Variants in CHERP observed in about 807,000 individuals in gnomAD.
The protein encoded by CHERP is calcium homeostasis endoplasmic reticulum protein.
CHERP carries 8 observed loss-of-function variants against 113.8 expected under a neutral mutation model. The observed-to-expected ratio is 0.07, with a 90% CI of 0.04 to 0.13. CHERP has a LOEUF of 0.13. Among genes scored for constraint, CHERP ranks in the 10% least tolerant of loss-of-function variants. CHERP has a pLI of 1.00. For synonymous variants in CHERP, 559 were observed against 524.5 expected (o/e 1.07, Z -0.90); for missense variants, 884 against 1,298.2 (o/e 0.68, Z 4.90).
At chr19:16,539,549 C>G (rs1018083676) in intron 2 of CHERP, 3 of 152,154 alleles carry the variant, frequency 2.0e-5, no homozygotes, top group Non-Finnish European at 2.9e-5. Context: ...CAGCTGATCT[C>G]TCTCCACCCC....
chr19:16,534,337 C>T (rs1462857894), intron 3 of CHERP, among the ~76,000 whole-genome samples: 1 of 152,138 alleles, frequency 6.6e-6, no homozygotes, highest in Admixed American at 6.5e-5. Context: ...GGCTGAGCCA[C>T]TGTGCCCAGC....
intron 11 of CHERP, 44 bp from the exon 12 acceptor site, chr19:16,521,698 C>G: frequency 9.3e-6 from 14 of 1,504,172 alleles, no homozygotes; most frequent in Non-Finnish European, 1.2e-5. Flanking sequence ...GGGCAGAGCC[C>G]TCTCAGGCCC....
At position 16,535,507 on chromosome 19, in the gene CHERP, T is replaced by C. The variant is rs942072981; in HGVS notation, c.329A>G (p.Gln110Arg). Residue 110 changes from glutamine to arginine, a missense_variant, in exon 3 of 17, where the codon CAG becomes CGG. Physicochemically the swap from Gln to Arg is conservative, Grantham distance 43 (BLOSUM62 1). This residue lies in a region of CHERP where 109 missense variants were observed against 134.2 expected (regional missense o/e 0.81). Coordinates refer to ENST00000546361, the MANE Select transcript of CHERP (RefSeq NM_006387.6). This position sits in a 1 kb window ranked among gnomAD's most constrained non-coding sequence, Gnocchi z 4.3. ...CTGCTGGAGGTTCCACTGGCTCTGC[T>C]GGATGAGCTCGTCCATGGATGGCGC... ...QGAPSMDELIQQSQWNLQQQE... is the reference protein window; with the variant it reads ...QGAPSMDELIRQSQWNLQQQE... 7 of 1,608,806 alleles carry C rather than the reference T, an allele frequency of 4.4e-6. No individual in the cohort carries two copies. In the African/African-American group the frequency reaches 9.4e-5, roughly 21 times the overall value.
chr19:16,533,098 C>G lies in CHERP; in HGVS notation c.435G>C (p.Lys145Asn), dbSNP rs1477171536. Residue 145 changes from lysine (K) to asparagine (N), a missense_variant, in exon 4 of 17, where the codon AAG becomes AAC. By Grantham distance (94) the Lys-to-Asn change is moderately conservative. This residue lies in a region of CHERP where 109 missense variants were observed against 134.2 expected (regional missense o/e 0.81). Coordinates refer to ENST00000546361, the MANE Select transcript of CHERP (RefSeq NM_006387.6). ...VAHAVEQQMQ[K>N]LLEETQLDMN... Reference sequence around the variant, plus strand: ...TGTCTAGCTGGGTCTCCTCCAGAAGCTTCTGCATCTGCTGCTCCACCGCGT... The same window carrying G: ...TGTCTAGCTGGGTCTCCTCCAGAAGGTTCTGCATCTGCTGCTCCACCGCGT... 1.3e-6 allele frequency: 2 copies of G among 1,585,494 alleles called. No individual in the cohort carries two copies. The highest frequency in any genetic ancestry group is 2.7e-5 in the African/African-American group (2 of 74,578).
At chr19:16,529,425 G>A (rs1043068174) in intron 8 of CHERP, among the ~76,000 whole-genome samples, 3 of 152,182 alleles carry the variant, frequency 2.0e-5, no homozygotes, top group African/African-American at 7.2e-5. Context: ...TCTGGGAACA[G>A]GAAACAGATC....
chr19:16,521,938 G>A lies in CHERP; in HGVS notation c.1981-284C>T, dbSNP rs903135160. Among the ~76,000 whole-genome samples the A allele has an allele frequency of 2.2e-4, 33 of 152,228 alleles. 1 individual carries two copies. Among genetic ancestry groups the A allele is most frequent in the East Asian group, 7.7e-4 (4 of 5,198 alleles). ...CATGGTCTCCAAACTCAGGTGACCT[G>A]AACACCCTCTGGTTTATTCAGACAT... On this transcript the variant is annotated intron_variant, in intron 11 of 16. Coordinates refer to ENST00000546361, the MANE Select transcript of CHERP (RefSeq NM_006387.6).
chr19:16,521,100 C>T (rs1325119222), intron 12 of CHERP, 188 bp from the exon 13 acceptor site: 5 of 626,816 alleles, frequency 8.0e-6, no homozygotes, highest in Non-Finnish European at 1.4e-5. Context: ...AGCCCAGTGG[C>T]TCCTCTGGTG....
In CHERP at chr19:16,530,823, G is replaced by A; in HGVS notation, c.732C>T (p.Ile244=). ...CCACGGCCAAGAAGCTGGTGCAGTAGATGGGCACCACGACCTTCTGCAGGG... is the reference window on the plus strand; with the variant it reads ...CCACGGCCAAGAAGCTGGTGCAGTAAATGGGCACCACGACCTTCTGCAGGG... ...LAALQKVVVP[I]YCTSFLAVEE... Residue 244 remains isoleucine, a synonymous_variant, in exon 6 of 17, where the codon ATC becomes ATT. Transcript: ENST00000546361. This position sits in a 1 kb window ranked among gnomAD's most constrained non-coding sequence, Gnocchi z 4.1. 6.2e-7 allele frequency: 1 copy of A among 1,613,940 alleles called. No homozygotes were observed. The highest frequency in any genetic ancestry group is 1.7e-5 in the Admixed American group (1 of 60,032).
At chr19:16,540,139 C>T (rs2085768549) in intron 2 of CHERP, among the ~76,000 whole-genome samples, 1 of 152,204 alleles carries the variant, frequency 6.6e-6, no homozygotes, top group Non-Finnish European at 1.5e-5. Flanking sequence ...TCTTGGCTCA[C>T]TGCAACCTCC....
At chr19:16,542,116 C>G (rs1168677328) in intron 1 of CHERP, 73 bp from the exon 2 acceptor site, 2 of 1,491,556 alleles carry the variant, frequency 1.3e-6, no homozygotes, top group Non-Finnish European at 1.8e-6. Context: ...GGCGCCCCAG[C>G]CCCCGTCCGC....
intron 8 of CHERP, among the ~76,000 whole-genome samples, chr19:16,529,042 G>C (rs1199747878): frequency 3.9e-5 from 6 of 152,202 alleles, no homozygotes; most frequent in Non-Finnish European, 8.8e-5. Flanking sequence ...ACACTAGATT[G>C]TATTTTCTGA....
chr19:16,526,758 G>GCC (rs1305324665), intron 9 of CHERP, among the ~76,000 whole-genome samples: 1 of 151,398 alleles, frequency 6.6e-6, no homozygotes, highest in East Asian at 2.0e-4. Flanking sequence ...TAGCCACCAC[G>GCC]CCCAGCCTTG....
At chr19:16,533,814 A>AG in intron 3 of CHERP, among the ~76,000 whole-genome samples, 1 of 152,142 alleles carries the variant, frequency 6.6e-6, no homozygotes, top group African/African-American at 2.4e-5. Context: ...AGAAAAGAAA[A>AG]AAAAAGACAA....
chr19:16,525,022 G>A lies in CHERP; in HGVS notation c.1741+220C>T, dbSNP rs930645116. Among the ~76,000 whole-genome samples, 1 of 152,310 alleles carries A rather than the reference G, an allele frequency of 6.6e-6. No individual in the cohort carries two copies. The highest frequency in any genetic ancestry group is 6.5e-5 in the Admixed American group (1 of 15,302). Reference sequence around the variant, plus strand: ...GCAGGAACCTTTTCCTACTGGCTCTGCCTCATCTGCAGCCAGCCGGGCCTC... The same window carrying A: ...GCAGGAACCTTTTCCTACTGGCTCTACCTCATCTGCAGCCAGCCGGGCCTC... On this transcript the variant is annotated intron_variant, in intron 10 of 16. Coordinates refer to ENST00000546361, the MANE Select transcript of CHERP (RefSeq NM_006387.6). This position sits in a 1 kb window ranked among gnomAD's most constrained non-coding sequence, Gnocchi z 6.5.
chr19:16,539,545 A>C (rs1599756218), intron 2 of CHERP: 1 of 152,042 alleles, frequency 6.6e-6, no homozygotes, highest in Non-Finnish European at 1.5e-5. Flanking sequence ...CAGGCAGCTG[A>C]TCTCTCTCCA....
chr19:16,520,467 G>A lies in CHERP; in HGVS notation c.2242C>T (p.Arg748Cys), dbSNP rs776056169. 1.2e-5 allele frequency: 19 copies of A among 1,613,938 alleles called. No homozygotes were observed. The highest frequency in any genetic ancestry group is 1.4e-5 in the Non-Finnish European group (17 of 1,180,006). ...CTTGAGTTGGAGCGGGAGGAAGAAC[G>A]CCCTCGACTCTTGGATCTGCTCCGA... is the stretch of plus-strand genomic sequence containing the variant. ...RSRSRSKSRGRSSSRSNSRSS... is the reference protein window; with the variant it reads ...RSRSRSKSRGCSSSRSNSRSS... The change falls in exon 14 of 17, where the codon CGT (arginine) becomes TGT (cysteine). Residue 748 changes from arginine (R) to cysteine (C), a missense_variant. Transcript: ENST00000546361. The surrounding 1 kb of genome is among the most constrained non-coding windows in gnomAD (Gnocchi z 4.0).
intron 2 of CHERP, among the ~76,000 whole-genome samples, chr19:16,540,514 A>G (rs1047871449): frequency 3.3e-5 from 5 of 151,806 alleles, no homozygotes; most frequent in African/African-American, 1.2e-4. Context: ...CTGGGACTAC[A>G]GGTGTGTGCC....
chr19:16,537,597 C>G lies in CHERP; in HGVS notation c.200-1961G>C, dbSNP rs573677503. On this transcript the variant is annotated intron_variant, in intron 2 of 16. Coordinates refer to ENST00000546361, the MANE Select transcript of CHERP (RefSeq NM_006387.6). ...TGGCACCACCATCTGCCCAGAAACCCAGGCCAGAAGTAGCATGTGCCTCCC... is the reference window on the plus strand; with the variant it reads ...TGGCACCACCATCTGCCCAGAAACCGAGGCCAGAAGTAGCATGTGCCTCCC... Among the ~76,000 whole-genome samples, 9 of 152,220 alleles carry G rather than the reference C, an allele frequency of 5.9e-5. No individual in the cohort carries two copies. The South Asian group carries it at 1.9e-3, about 32-fold the overall frequency.
At chr19:16,527,220 G>C (rs879342639) in intron 9 of CHERP, among the ~76,000 whole-genome samples, 2 of 152,178 alleles carry the variant, frequency 1.3e-5, no homozygotes, top group Admixed American at 1.3e-4. Flanking sequence ...TACAAAACAG[G>C]GACAAGAACT....
Sources: allele counts gnomAD v4.1 joint callset (sites outside exome capture counted in the v4.1 genomes callset), GRCh38; gene constraint gnomAD v4.1.1; regional missense constraint gnomAD v4.1.1; non-coding constraint Gnocchi (gnomAD v3.1); transcripts MANE v1.5; gene names NCBI Gene and HGNC (gene_info 2026-07-23, HGNC 2026-07-21).